CADM2: variants seen among roughly 807,000 people sequenced by gnomAD.
The protein encoded by CADM2 is cell adhesion molecule 2, also known as immunoglobulin superfamily member 4D.
In CADM2, 12 loss-of-function variants were observed where a neutral mutation model predicts 49.8. That is an observed-to-expected ratio of 0.24 (90% CI 0.15 to 0.39). The LOEUF (loss-of-function observed/expected upper bound fraction) is 0.39. CADM2 is among the 10% of genes least tolerant of loss of function. CADM2 has a pLI of 1.00. For missense variants in CADM2, 378 were observed against 492.3 expected (o/e 0.77, Z 2.20); for synonymous variants, 214 against 175.4 (o/e 1.22, Z -1.74).
At chr3:85,914,220 A>G (rs1346468699) in intron 6 of CADM2, among the ~76,000 whole-genome samples, 1 of 152,122 alleles carries the variant, frequency 6.6e-6, no homozygotes, top group Non-Finnish European at 1.5e-5. Context: ...CAGAGCCCAA[A>G]TGGAGATTAT....
intron 1 of CADM2, among the ~76,000 whole-genome samples, chr3:85,524,025 C>T (rs974039107): frequency 3.3e-5 from 5 of 151,972 alleles, no homozygotes; most frequent in Non-Finnish European, 7.4e-5. Flanking sequence ...CATATGCTTC[C>T]AAGTTATAAG....
rs5850659 is a variant in CADM2 at position 85,020,745 on chromosome 3, G to GGT, written c.61+61094_61+61095dup. On this transcript the variant is annotated intron_variant, in intron 1 of 9. Coordinates refer to ENST00000383699, the MANE Select transcript of CADM2 (RefSeq NM_001167675.2). Reference sequence around the variant, plus strand: ...CAGATATATGTCTTTGTATGTGTACGGTGTGTGTGTGTGTGTGTATGGTGT... The same window carrying GGT: ...CAGATATATGTCTTTGTATGTGTACGGTGTGTGTGTGTGTGTGTGTATGGTGT... 6.6e-4 allele frequency among the ~76,000 whole-genome samples: 99 copies of GGT among 150,224 alleles called. No individual in the cohort carries two copies. The South Asian group carries it at 9.7e-3, about 15-fold the overall frequency.
chr3:85,915,250 A>C (rs1391110330), intron 6 of CADM2, among the ~76,000 whole-genome samples: 1 of 152,172 alleles, frequency 6.6e-6, no homozygotes, highest in Non-Finnish European at 1.5e-5. Flanking sequence ...TTTTTAAAGA[A>C]AGTTTTACAT....
At chr3:85,095,844 G>A (rs549490034) in intron 1 of CADM2, among the ~76,000 whole-genome samples, 7 of 152,176 alleles carry the variant, frequency 4.6e-5, no homozygotes, top group African/African-American at 1.4e-4. Flanking sequence ...ACAGGCAAGT[G>A]GCGGACATTA....
intron 1 of CADM2, among the ~76,000 whole-genome samples, chr3:85,260,512 G>GT (rs1303863101): frequency 6.6e-6 from 1 of 152,104 alleles, no homozygotes; most frequent in Non-Finnish European, 1.5e-5. Context: ...ATTTGAATTT[G>GT]TAAGTAATTG....
At chr3:86,002,347 C>A (rs538392075) in intron 8 of CADM2, among the ~76,000 whole-genome samples, 6 of 152,216 alleles carry the variant, frequency 3.9e-5, no homozygotes, top group Non-Finnish European at 8.8e-5. Context: ...TTGAGTTCCC[C>A]TTTCATTTAT....
intron 1 of CADM2, among the ~76,000 whole-genome samples, chr3:85,161,993 G>C (rs1217198484): frequency 1.3e-5 from 2 of 151,976 alleles, no homozygotes; most frequent in Non-Finnish European, 2.9e-5. Context: ...TCCGCAACAA[G>C]AGCAAGACTC....
intron 8 of CADM2, among the ~76,000 whole-genome samples, chr3:86,026,702 G>GTACTTGA (rs1465190138): frequency 2.6e-5 from 4 of 152,066 alleles, no homozygotes; most frequent in Non-Finnish European, 4.4e-5. Context: ...TGTGCTCATT[G>GTACTTGA]TACTTGATAC....
At chr3:85,144,938 G>T (rs115726526) in intron 1 of CADM2, among the ~76,000 whole-genome samples, 1 of 152,294 alleles carries the variant, frequency 6.6e-6, no homozygotes, top group African/African-American at 2.4e-5. Flanking sequence ...CAAGATAGGT[G>T]TGTGCAAAGT....
chr3:85,961,695 A>G, intron 8 of CADM2, 48 bp downstream of exon 8: 1 of 1,377,308 alleles, frequency 7.3e-7, no homozygotes, highest in Admixed American at 2.1e-5. Flanking sequence ...GCATAACTTG[A>G]AAAACTATTT....
At chr3:85,412,993 T>C (rs1312937733) in intron 1 of CADM2, among the ~76,000 whole-genome samples, 1 of 151,030 alleles carries the variant, frequency 6.6e-6, no homozygotes, top group Non-Finnish European at 1.5e-5. Context: ...CACAAAAAAT[T>C]AGCCAGGCGA....
At chr3:85,242,959 G>T (rs1289258985) in intron 1 of CADM2, among the ~76,000 whole-genome samples, 1 of 151,358 alleles carries the variant, frequency 6.6e-6, no homozygotes, top group East Asian at 1.9e-4. Context: ...TATTTTAAAT[G>T]GATAAAAATA....
At chr3:85,296,244 T>C (rs1245182755) in intron 1 of CADM2, among the ~76,000 whole-genome samples, 4 of 152,038 alleles carry the variant, frequency 2.6e-5, no homozygotes, top group African/African-American at 9.7e-5. Flanking sequence ...GTTCATGAGG[T>C]ATAAAGTACA....
intron 1 of CADM2, among the ~76,000 whole-genome samples, chr3:85,223,828 C>A (rs1368464604): frequency 6.6e-6 from 1 of 152,086 alleles, no homozygotes; most frequent in East Asian, 1.9e-4. Flanking sequence ...GTTCAGCTCC[C>A]AATTATGAGT....
intron 1 of CADM2, among the ~76,000 whole-genome samples, chr3:85,158,230 T>C (rs1350958164): frequency 3.3e-5 from 5 of 152,326 alleles, no homozygotes; most frequent in Admixed American, 3.3e-4. Flanking sequence ...GGAACACTTT[T>C]ACACTGTTGG....
At chr3:84,970,554 GA>G (rs1368548677) in intron 1 of CADM2, among the ~76,000 whole-genome samples, 2 of 151,860 alleles carry the variant, frequency 1.3e-5, no homozygotes, top group African/African-American at 4.8e-5. Context: ...CTTAGCATTT[GA>G]AAAGATATTA....
intron 8 of CADM2, among the ~76,000 whole-genome samples, chr3:85,967,202 A>T (rs1360406094): frequency 6.6e-6 from 1 of 151,660 alleles, no homozygotes; most frequent in African/African-American, 2.4e-5. Flanking sequence ...GTTTTCAGAG[A>T]CTGTAGGTAA....
At chr3:84,978,537 A>C (rs533184344) in intron 1 of CADM2, among the ~76,000 whole-genome samples, 1 of 152,278 alleles carries the variant, frequency 6.6e-6, no homozygotes, top group Admixed American at 6.5e-5. Flanking sequence ...AAACATTTGT[A>C]ATTGTGTTTA....
Position 86,061,917 on chromosome 3 carries a change from A to C in CADM2, c.971-3688A>C, listed in dbSNP as rs546718332. 8.4e-4 allele frequency among the ~76,000 whole-genome samples: 127 copies of C among 152,066 alleles called. 3 individuals carry two copies. The Middle Eastern group carries it at 0.014, about 16-fold the overall frequency. On this transcript the variant is annotated intron_variant, in intron 8 of 9. Coordinates refer to ENST00000383699, the MANE Select transcript of CADM2 (RefSeq NM_001167675.2). ...TTACTTTTCCACATCAGAATGGCAA[A>C]ATATTTTAAAATTATATTTTGATGT...
Sources: allele counts gnomAD v4.1 joint callset (sites outside exome capture counted in the v4.1 genomes callset), GRCh38; gene constraint gnomAD v4.1.1; transcripts MANE v1.5; gene names NCBI Gene and HGNC (gene_info 2026-07-23, HGNC 2026-07-21).